Variants in HERC4 observed in about 807,000 individuals in gnomAD.
HERC4 encodes HECT and RLD domain containing E3 ubiquitin protein ligase 4.
In HERC4, 28 loss-of-function variants were observed where a neutral mutation model predicts 124.3. The ratio of observed to expected loss-of-function variants is 0.23; its 90% CI spans 0.17 to 0.31. The LOEUF is 0.31. HERC4 is among the 10% of genes least tolerant of loss of function. The pLI is 1.00. For synonymous variants in HERC4, 407 were observed against 421.5 expected, an observed-to-expected ratio of 0.97 and a Z score of 0.42; for missense variants, 713 against 1,229.3, an observed-to-expected ratio of 0.58 and a Z score of 6.28.
chr10:68,033,419 G>A (rs1328704620), intron 6 of HERC4, among the ~76,000 whole-genome samples: 5 of 152,014 alleles, frequency 3.3e-5, no homozygotes, highest in African/African-American at 1.2e-4. Context: ...TGAACTATAA[G>A]AAATTAGCTT....
At chr10:68,011,582 A>C (rs625576) in intron 9 of HERC4, among the ~76,000 whole-genome samples, 151,519 of 152,350 alleles carry the variant, frequency 0.99, 75,353 homozygotes, top group East Asian at 1. Context: ...ATTTTGAAAG[A>C]AATCTTTTTA....
At chr10:67,942,482 T>A (rs2032995382) in intron 19 of HERC4, among the ~76,000 whole-genome samples, 1 of 152,160 alleles carries the variant, frequency 6.6e-6, no homozygotes, top group South Asian at 2.1e-4. Flanking sequence ...ATATTGCTAA[T>A]CTGTTTTCCT....
chr10:68,024,415 G>T (rs1042113541), intron 8 of HERC4, among the ~76,000 whole-genome samples: 1 of 152,132 alleles, frequency 6.6e-6, no homozygotes, highest in African/African-American at 2.4e-5. Context: ...TCCATTCTGG[G>T]TATATATGAA....
intron 5 of HERC4, among the ~76,000 whole-genome samples, chr10:68,036,686 T>C (rs1350822255): frequency 6.6e-6 from 1 of 152,208 alleles, no homozygotes; most frequent in Non-Finnish European, 1.5e-5. Flanking sequence ...TTCTTAACTC[T>C]ATGCCTTTAC....
intron 3 of HERC4, among the ~76,000 whole-genome samples, chr10:68,056,894 G>A (rs920324591): frequency 2.0e-5 from 3 of 152,180 alleles, no homozygotes; most frequent in Non-Finnish European, 4.4e-5. Context: ...TGGCAACTGG[G>A]TCAATGTTGG....
intron 19 of HERC4, among the ~76,000 whole-genome samples, chr10:67,952,653 C>T (rs2033876368): frequency 6.6e-6 from 1 of 151,890 alleles, no homozygotes; most frequent in African/African-American, 2.4e-5. Flanking sequence ...AATCCCAGCA[C>T]TTTGGAAGGC....
intron 3 of HERC4, among the ~76,000 whole-genome samples, chr10:68,051,403 G>A (rs1395433429): frequency 6.9e-6 from 1 of 144,440 alleles, no homozygotes; most frequent in East Asian, 2.0e-4. Flanking sequence ...GGAGTGCAGT[G>A]GCACGATCTT....
In HERC4 at chr10:68,003,327, AATTT is replaced by A. The variant is rs2037346293; in HGVS notation, c.1070-10649_1070-10646del. ...CAGGCGCCTGCCACCATGCCTGACT[AATTT>A]TTTTTTTTTTTTTTTGTATTTTTAG... On this transcript the variant is annotated intron_variant, in intron 9 of 24. Coordinates refer to ENST00000373700, the MANE Select transcript of HERC4 (RefSeq NM_015601.4). 1.1e-4 allele frequency among the ~76,000 whole-genome samples: 10 copies of A among 88,158 alleles called. No homozygotes were observed. In the South Asian group the frequency reaches 3.2e-3, roughly 28 times the overall value. 57.8% of individuals were successfully genotyped at this position (88,158 alleles called of 152,430 possible). A position where few individuals can be genotyped will look rare whatever the true frequency, so the allele number is the denominator to read the frequency against.
intron 7 of HERC4, among the ~76,000 whole-genome samples, chr10:68,027,957 T>C (rs1229112271): frequency 1.4e-5 from 2 of 146,990 alleles, no homozygotes; most frequent in East Asian, 3.9e-4. Flanking sequence ...ATATCACATA[T>C]TTTTATTATA....
rs995358681 is a variant in HERC4, at chr10:67,990,015, CAT to C, written c.1633+194_1633+195del. Among the ~76,000 whole-genome samples, 5 of 152,166 alleles carry C rather than the reference CAT, an allele frequency of 3.3e-5. 1 individual carries two copies. In the South Asian group the frequency reaches 8.3e-4, roughly 25 times the overall value. On this transcript the variant is annotated intron_variant, in intron 14 of 24. Transcript: ENST00000373700. ...TGTTTAATTGAACTTCTATATCTAA[CAT>C]GTTTTTCTTTCAACAACTCCAACAA...
chr10:67,932,886 C>G, intron 22 of HERC4, 106 bp from the exon 23 acceptor site: 2 of 954,228 alleles, frequency 2.1e-6, no homozygotes, highest in Admixed American at 6.3e-5. Context: ...TGCTACATAT[C>G]TACGAAACTG....
At chr10:67,927,950 G>C (rs2031323851) in intron 23 of HERC4, among the ~76,000 whole-genome samples, 1 of 152,124 alleles carries the variant, frequency 6.6e-6, no homozygotes, top group Admixed American at 6.5e-5. Flanking sequence ...AAATAAAACA[G>C]CGAGGGGAGA....
chr10:67,961,952 G>A (rs1041254470), intron 16 of HERC4, among the ~76,000 whole-genome samples: 1 of 151,804 alleles, frequency 6.6e-6, no homozygotes, highest in Non-Finnish European at 1.5e-5. Flanking sequence ...AGACTGTTCT[G>A]CAAAAAAACC....
intron 8 of HERC4, among the ~76,000 whole-genome samples, chr10:68,019,294 T>C (rs906751656): frequency 5.9e-5 from 9 of 151,742 alleles, no homozygotes; most frequent in Admixed American, 4.6e-4. Flanking sequence ...CTGCGCCCGG[T>C]CCAGCCAAAG....
At chr10:67,945,264 T>G (rs935037500) in intron 19 of HERC4, among the ~76,000 whole-genome samples, 1 of 152,160 alleles carries the variant, frequency 6.6e-6, no homozygotes, top group Non-Finnish European at 1.5e-5. Flanking sequence ...GACTTTTCAA[T>G]GGAAACCTTA....
rs1309558250 is a variant in HERC4, at chr10:68,073,041, A to C, written c.68T>G (p.Leu23Arg). 6.2e-7 allele frequency: 1 copy of C among 1,613,890 alleles called. No homozygotes were observed. Among genetic ancestry groups the C allele is most frequent in the Non-Finnish European group, 8.5e-7 (1 of 1,179,954 alleles). Residue 23 changes from leucine (L) to arginine (R), a missense_variant, in exon 3 of 25, where the codon CTA (leucine) becomes CGA (arginine). Transcript: ENST00000373700. ...GLGGIDEEIVLEPRKSDFFIN... is the reference protein window; with the variant it reads ...GLGGIDEEIVREPRKSDFFIN... ...AAAGAAGTCACTTTTTCTGGGCTCT[A>C]GTACAATTTCTTCATCAATTCCACC...
At chr10:67,938,444 AAAG>A (rs2032572273) in intron 21 of HERC4, among the ~76,000 whole-genome samples, 2 of 151,418 alleles carry the variant, frequency 1.3e-5, no homozygotes, top group Non-Finnish European at 2.9e-5. Flanking sequence ...TCTCAAAAAA[AAAG>A]AAAAAAAAAA....
intron 7 of HERC4, among the ~76,000 whole-genome samples, chr10:68,031,606 C>T (rs894949619): frequency 2.0e-5 from 3 of 152,106 alleles, no homozygotes; most frequent in Non-Finnish European, 4.4e-5. Context: ...CTACAAAATA[C>T]TTTAAAATTA....
At position 68,051,261 on chromosome 10, in the gene HERC4, C is replaced by T. The variant is rs139025183; in HGVS notation, c.227-6698G>A. 3.2e-3 allele frequency among the ~76,000 whole-genome samples: 481 copies of T among 150,822 alleles called. 2 individuals are homozygous for T. The highest frequency in any genetic ancestry group is 0.011 in the African/African-American group (468 of 41,078). On this transcript the variant is annotated intron_variant, in intron 3 of 24. Coordinates refer to ENST00000373700, the MANE Select transcript of HERC4 (RefSeq NM_015601.4). ...AACAGCATATAATCATTATAGTCAACAGTAATTCTGAAATAAAAAGGTATG... is the reference window on the plus strand; with the variant it reads ...AACAGCATATAATCATTATAGTCAATAGTAATTCTGAAATAAAAAGGTATG...
Sources: gnomAD v4.1 joint callset for allele counts (sites outside exome capture counted in the v4.1 genomes callset) on GRCh38, gnomAD v4.1.1 for gene constraint, MANE v1.5 for transcripts, NCBI Gene and HGNC (gene_info 2026-07-23, HGNC 2026-07-21) for gene names.